Variants in CCDC157 observed in about 807,000 individuals in gnomAD.
CCDC157 encodes the protein coiled-coil domain-containing protein 157.
Under a neutral mutation model 70.9 loss-of-function variants are expected in CCDC157, and 60 were observed. The ratio of observed to expected loss-of-function variants is 0.85; its 90% CI spans 0.69 to 1.05. CCDC157 has a LOEUF of 1.05. Ranked by LOEUF, CCDC157 falls within the 50% of genes least tolerant of loss-of-function variation. CCDC157 has a pLI of 0.00. For synonymous variants in CCDC157, 373 were observed against 422.4 expected (o/e 0.88, Z 1.43); for missense variants, 943 against 984.2 (o/e 0.96, Z 0.56).
chr22:30,376,187 G>T, intron 10 of CCDC157, 72 bp from the exon 11 acceptor site: 1 of 1,414,710 alleles, frequency 7.1e-7, no homozygotes, highest in South Asian at 1.2e-5. Context: ...CCCTGGCTAC[G>T]ACACCCTCTC....
At chr22:30,374,984 GAGT>G in intron 9 of CCDC157, 1 of 323,084 alleles carries the variant, frequency 3.1e-6, no homozygotes, top group Non-Finnish European at 5.9e-6. Context: ...TTTTGAGACA[GAGT>G]CTCACTCTGT....
chr22:30,368,801 G>C (rs1293804674), intron 3 of CCDC157: 1 of 152,220 alleles, frequency 6.6e-6, no homozygotes, highest in African/African-American at 2.4e-5. Flanking sequence ...AAAACAGCTT[G>C]GTTCCCATGC....
chr22:30,370,593 A>C lies in CCDC157; in HGVS notation c.688A>C (p.Ser230Arg), dbSNP rs370543635. The change falls in exon 5 of 12, where the codon AGC becomes CGC. Residue 230 changes from serine (S) to arginine (R), a missense_variant. Coordinates refer to ENST00000338306, the MANE Select transcript of CCDC157 (RefSeq NM_001017437.5). Reference sequence around the variant, plus strand: ...TGACGCATGCGCCAGCGTCCAGGGAAGCCTGCAGAAGGTGGGCAAGGTGGT... The same window carrying C: ...TGACGCATGCGCCAGCGTCCAGGGACGCCTGCAGAAGGTGGGCAAGGTGGT... ...PCDACASVQG[S>R]LQKVGKVVIS... is the part of the protein sequence containing the mutation. 1 of 1,613,948 alleles carries C rather than the reference A, an allele frequency of 6.2e-7. No homozygotes were observed. Among genetic ancestry groups the C allele is most frequent in the African/African-American group, 1.3e-5 (1 of 74,946 alleles).
At chr22:30,356,849 A>C (rs1931898659), upstream of CCDC157, 1 of 1,266,236 alleles carries the variant, frequency 7.9e-7, no homozygotes, top group Non-Finnish European at 1.0e-6. Flanking sequence ...GTGCCGCCTC[A>C]AGACAGCCTC....
chr22:30,374,406 C>T (rs376678887), intron 9 of CCDC157: 15 of 542,780 alleles, frequency 2.8e-5, no homozygotes, highest in African/African-American at 5.6e-5. Context: ...AATTCTTGCT[C>T]GACTTCTGTG....
chr22:30,356,927 G>C (rs1203808751), upstream of CCDC157: 1 of 715,052 alleles, frequency 1.4e-6, no homozygotes, highest in East Asian at 3.4e-5. Flanking sequence ...GCGAAGGTAC[G>C]ACTGGCGCAC....
At chr22:30,369,750 A>G in intron 4 of CCDC157, 147 bp downstream of exon 4, 1 of 614,036 alleles carries the variant, frequency 1.6e-6, no homozygotes, top group East Asian at 3.1e-5. Flanking sequence ...CCTCCCAATC[A>G]AGCCCCACAC....
chr22:30,356,884 C>G (rs898997069), upstream of CCDC157: 3 of 1,101,988 alleles, frequency 2.7e-6, no homozygotes, highest in Non-Finnish European at 3.5e-6. Flanking sequence ...ACGACGAGCT[C>G]GCAAGATGGC....
At chr22:30,369,050 T>C (rs554411911) in intron 3 of CCDC157, 1 of 158,032 alleles carries the variant, frequency 6.3e-6, no homozygotes, top group Admixed American at 6.5e-5. Flanking sequence ...GGGTCTCAGC[T>C]CTGTCATCTA....
chr22:30,372,048 C>T (rs1402976285), intron 6 of CCDC157, 27 bp from the exon 7 acceptor site: 5 of 1,453,204 alleles, frequency 3.4e-6, no homozygotes, highest in Non-Finnish European at 4.7e-6. Flanking sequence ...CTGCCCTACC[C>T]CATCCCATGT....
At chr22:30,358,696 G>A (rs1932119226) in intron 1 of CCDC157, among the ~76,000 whole-genome samples, 1 of 152,220 alleles carries the variant, frequency 6.6e-6, no homozygotes, top group Non-Finnish European at 1.5e-5. Context: ...TCTTCTCTGG[G>A]AGTCAAAAGT....
At chr22:30,356,998 T>A, upstream of CCDC157, 2 of 432,164 alleles carry the variant, frequency 4.6e-6, no homozygotes, top group Admixed American at 8.9e-5. Context: ...CACCGCGGCG[T>A]CCGACGCCGT....
At chr22:30,369,704 A>T in intron 4 of CCDC157, 101 bp downstream of exon 4, 1 of 950,624 alleles carries the variant, frequency 1.1e-6, no homozygotes. Flanking sequence ...CTAGCCTACC[A>T]CTATGTGCAC....
At chr22:30,368,016 A>G (rs897804153) in intron 3 of CCDC157, among the ~76,000 whole-genome samples, 6 of 152,188 alleles carry the variant, frequency 3.9e-5, no homozygotes, top group Non-Finnish European at 7.4e-5. Context: ...GTGCCATTGC[A>G]CTCCAGCCTG....
chr22:30,371,683 T>G lies in CCDC157; in HGVS notation c.1079T>G (p.Leu360Arg). ...GACCTAAAGACAAAGATGGCCACCC[T>G]GGAGAGAGAACTGAAACAGCAGCGG... The part of the protein sequence containing the change: ...TSDLKTKMAT[L>R]ERELKQQRES... The change falls in exon 6 of 12, where the codon CTG (leucine) becomes CGG (arginine). Residue 360 changes from leucine to arginine, a missense_variant. Transcript: ENST00000338306. 6.2e-7 allele frequency: 1 copy of G among 1,614,114 alleles called. No homozygotes were observed. The highest frequency in any genetic ancestry group is 8.5e-7 in the Non-Finnish European group (1 of 1,180,008).
chr22:30,362,751 T>C lies in CCDC157; in HGVS notation c.-12+637T>C, dbSNP rs558328916. 6.6e-4 allele frequency among the ~76,000 whole-genome samples: 101 copies of C among 152,150 alleles called. No homozygotes were observed. In the South Asian group the frequency reaches 0.021, roughly 31 times the overall value. On this transcript the variant is annotated intron_variant, in intron 2 of 11. Coordinates refer to ENST00000338306, the MANE Select transcript of CCDC157 (RefSeq NM_001017437.5). The stretch of plus-strand genomic sequence containing the variant: ...GAAATGCTGGGTTCCCAGTGTGGTC[T>C]CGATGTAGGATTGGCAGCACTGGGT...
At chr22:30,365,500 C>T (rs1288726355) in intron 2 of CCDC157, among the ~76,000 whole-genome samples, 1 of 151,982 alleles carries the variant, frequency 6.6e-6, no homozygotes, top group East Asian at 1.9e-4. Flanking sequence ...TCTCTGGAGC[C>T]GAAGTTGTTC....
Position 30,373,780 on chromosome 22 carries a change from T to C in CCDC157, c.1503+16T>C. 1 of 1,541,870 alleles carries C rather than the reference T, an allele frequency of 6.5e-7. No homozygotes were observed. Among genetic ancestry groups the C allele is most frequent in the Non-Finnish European group, 8.8e-7 (1 of 1,141,876 alleles). Reference sequence around the variant, plus strand: ...GGCCCAGCAGGTGAGGGTGGGGGTCTTCCTTTTTGCCAGAGAAGTCTCCGG... The same window carrying C: ...GGCCCAGCAGGTGAGGGTGGGGGTCCTCCTTTTTGCCAGAGAAGTCTCCGG... On this transcript the variant is annotated intron_variant, in intron 8 of 11. Coordinates refer to ENST00000338306, the MANE Select transcript of CCDC157 (RefSeq NM_001017437.5).
chr22:30,362,374 G>A (rs5753095), intron 2 of CCDC157, among the ~76,000 whole-genome samples: 30,685 of 152,208 alleles, frequency 0.2, 3,360 homozygotes, highest in Middle Eastern at 0.35. Flanking sequence ...AACCTCGCCC[G>A]GCCTGGGGCC....
Sources: allele counts gnomAD v4.1 joint callset (sites outside exome capture counted in the v4.1 genomes callset), GRCh38; gene constraint gnomAD v4.1.1; transcripts MANE v1.5; gene names NCBI Gene and HGNC (gene_info 2026-07-23, HGNC 2026-07-21).